The following PPP3CA variants were observed in gnomAD, a reference collection of about 807,000 sequenced individuals.
PPP3CA encodes protein phosphatase 3 catalytic subunit alpha.
A neutral mutation model predicts 66.5 loss-of-function variants in PPP3CA; 14 were observed. That is an observed-to-expected ratio of 0.21 (90% confidence interval 0.14 to 0.33). The LOEUF (loss-of-function observed/expected upper bound fraction) is 0.33, where lower values mean the gene tolerates loss of function less well. Among genes scored for constraint, PPP3CA ranks in the 10% least tolerant of loss-of-function variants. The probability of loss-of-function intolerance (pLI) is 1.00; values close to 1 mark genes in which losing one functional copy is unlikely to be tolerated. For missense variants in PPP3CA, 317 were observed against 639.5 expected (o/e 0.50, Z 5.44); for synonymous variants, 232 against 226.2 (o/e 1.03, Z -0.23).
At chr4:101,183,799 C>T (rs1297299299) in intron 2 of PPP3CA, among the ~76,000 whole-genome samples, 1 of 152,064 alleles carries the variant, frequency 6.6e-6, no homozygotes, top group East Asian at 1.9e-4. Context: ...TCTATCAAGG[C>T]TATTGCACTG....
At chr4:101,206,094 T>C (rs958760306) in intron 1 of PPP3CA, among the ~76,000 whole-genome samples, 3 of 152,196 alleles carry the variant, frequency 2.0e-5, no homozygotes, top group African/African-American at 7.2e-5. Flanking sequence ...ATGCTTACAC[T>C]GTTTGCTTCC....
chr4:101,193,165 C>T (rs1724664670), intron 2 of PPP3CA, among the ~76,000 whole-genome samples: 1 of 152,086 alleles, frequency 6.6e-6, no homozygotes, highest in South Asian at 2.1e-4. Flanking sequence ...ATATTCTGAG[C>T]CCTTGGAGGG....
intron 1 of PPP3CA, among the ~76,000 whole-genome samples, chr4:101,316,462 C>T (rs1315560018): frequency 1.3e-5 from 2 of 152,032 alleles, no homozygotes; most frequent in African/African-American, 4.8e-5. Flanking sequence ...TAAAGAATTA[C>T]TGTTTCTGTC....
chr4:101,175,553 T>C (rs1308005985), intron 2 of PPP3CA, among the ~76,000 whole-genome samples: 1 of 152,170 alleles, frequency 6.6e-6, no homozygotes, highest in African/African-American at 2.4e-5. Context: ...TATAACTCTA[T>C]TAGAATGTTG....
chr4:101,171,384 C>T (rs945389801), intron 2 of PPP3CA, among the ~76,000 whole-genome samples: 1 of 149,424 alleles, frequency 6.7e-6, no homozygotes, highest in South Asian at 2.1e-4. Context: ...AGAAGGTTGA[C>T]AGCTTAGGTA....
chr4:101,213,404 C>T (rs1453962201), intron 1 of PPP3CA, among the ~76,000 whole-genome samples: 1 of 152,038 alleles, frequency 6.6e-6, no homozygotes. Flanking sequence ...TTGAAGATTA[C>T]TAAATGGTAT....
intron 10 of PPP3CA, among the ~76,000 whole-genome samples, chr4:101,049,899 G>A (rs895134779): frequency 2.0e-5 from 3 of 152,080 alleles, no homozygotes; most frequent in Admixed American, 6.6e-5. Context: ...TCTGACCGTG[G>A]AGAATGGCTG....
At chr4:101,079,144 G>C (rs992744440) in intron 8 of PPP3CA, among the ~76,000 whole-genome samples, 3 of 152,160 alleles carry the variant, frequency 2.0e-5, no homozygotes, top group African/African-American at 7.2e-5. Flanking sequence ...AAAGGACTAA[G>C]GACATTCAAC....
At chr4:101,188,700 A>G (rs1333007391) in intron 2 of PPP3CA, among the ~76,000 whole-genome samples, 1 of 152,036 alleles carries the variant, frequency 6.6e-6, no homozygotes, top group Non-Finnish European at 1.5e-5. Context: ...AGACTGACTT[A>G]GGTATCAAAC....
chr4:101,250,984 A>G (rs1726657204), intron 1 of PPP3CA, among the ~76,000 whole-genome samples: 2 of 152,158 alleles, frequency 1.3e-5, no homozygotes, highest in African/African-American at 4.8e-5. Flanking sequence ...TTTATTTCAA[A>G]TAATGTATCT....
chr4:101,128,025 T>G (rs893180704), intron 2 of PPP3CA, among the ~76,000 whole-genome samples: 2 of 152,190 alleles, frequency 1.3e-5, no homozygotes, highest in Non-Finnish European at 2.9e-5. Flanking sequence ...CTGATGTACA[T>G]ATAGGACTTT....
intron 1 of PPP3CA, among the ~76,000 whole-genome samples, chr4:101,315,206 C>T (rs1044479459): frequency 3.3e-5 from 5 of 152,172 alleles, no homozygotes; most frequent in Non-Finnish European, 5.9e-5. Context: ...AATGAAAAGA[C>T]ACACATCTAT....
At chr4:101,321,899 G>A (rs1729052006) in intron 1 of PPP3CA, among the ~76,000 whole-genome samples, 1 of 152,182 alleles carries the variant, frequency 6.6e-6, no homozygotes, top group South Asian at 2.1e-4. Flanking sequence ...GGTGGCTGTT[G>A]CAACAGAGGA....
chr4:101,256,530 G>T (rs1726848656), intron 1 of PPP3CA, among the ~76,000 whole-genome samples: 1 of 151,932 alleles, frequency 6.6e-6, no homozygotes, highest in African/African-American at 2.4e-5. Context: ...GGCTAGCAAG[G>T]CTGCCTGCTC....
At chr4:101,288,891 CCTTGAGT>C (rs1560700018) in intron 1 of PPP3CA, among the ~76,000 whole-genome samples, 2 of 152,076 alleles carry the variant, frequency 1.3e-5, no homozygotes, top group Middle Eastern at 3.4e-3. Flanking sequence ...AAATGAAGTG[CCTTGAGT>C]CTCTTCATCC....
At chr4:101,028,306 T>C (rs1726762652) in intron 13 of PPP3CA, among the ~76,000 whole-genome samples, 1 of 152,204 alleles carries the variant, frequency 6.6e-6, no homozygotes, top group African/African-American at 2.4e-5. Context: ...TATTAAAAAC[T>C]ATTTTGATAT....
chr4:101,221,422 T>A (rs1221581829), intron 1 of PPP3CA, among the ~76,000 whole-genome samples: 1 of 148,794 alleles, frequency 6.7e-6, no homozygotes, highest in African/African-American at 2.5e-5. Flanking sequence ...ATATTCTAGG[T>A]CATATCACTT....
chr4:101,329,071 A>G (rs564988097), intron 1 of PPP3CA, among the ~76,000 whole-genome samples: 33 of 152,296 alleles, frequency 2.2e-4, no homozygotes, highest in Non-Finnish European at 2.9e-4. Flanking sequence ...TAAGTTTATC[A>G]TGCAAGGCAT....
At chr4:101,236,961 T>C (rs773161153) in intron 1 of PPP3CA, among the ~76,000 whole-genome samples, 8 of 151,218 alleles carry the variant, frequency 5.3e-5, no homozygotes, top group Admixed American at 2.0e-4. Flanking sequence ...ATTTATCTCA[T>C]AGAGATATTA....
Sources: gnomAD v4.1 joint callset for allele counts (sites outside exome capture counted in the v4.1 genomes callset) on GRCh38, gnomAD v4.1.1 for gene constraint, MANE v1.5 for transcripts, NCBI Gene and HGNC (gene_info 2026-07-23, HGNC 2026-07-21) for gene names.